The following RAB30 variants were observed in gnomAD, a reference collection of about 807,000 sequenced individuals.
RAB30 encodes the protein RAB30, member RAS oncogene family.
Under a neutral mutation model 25.1 loss-of-function variants are expected in RAB30, and 9 were observed. The ratio of observed to expected loss-of-function variants is 0.36; its 90% CI spans 0.22 to 0.63. The LOEUF is 0.63. Among genes scored for constraint, RAB30 ranks in the 20% least tolerant of loss-of-function variants. The pLI is 0.69. For missense variants in RAB30, 140 were observed against 243.5 expected (o/e 0.58, Z 2.83); for synonymous variants, 77 against 86.4 (o/e 0.89, Z 0.60).
At chr11:83,008,789 G>T (rs1857241422) in intron 1 of RAB30, among the ~76,000 whole-genome samples, 1 of 152,044 alleles carries the variant, frequency 6.6e-6, no homozygotes, top group Non-Finnish European at 1.5e-5. Context: ...CATGGCTCAG[G>T]GACTAGTCAG....
intron 1 of RAB30, among the ~76,000 whole-genome samples, chr11:83,008,679 C>T (rs780486322): frequency 4.6e-5 from 7 of 152,096 alleles, no homozygotes; most frequent in Non-Finnish European, 4.4e-5. Context: ...GGGATGGACG[C>T]ACACACATGC....
chr11:83,026,470 C>G (rs945067329), intron 1 of RAB30, among the ~76,000 whole-genome samples: 5 of 151,744 alleles, frequency 3.3e-5, no homozygotes, highest in African/African-American at 4.9e-5. Flanking sequence ...GCACCTCTGT[C>G]CTCACTCTCT....
intron 1 of RAB30, among the ~76,000 whole-genome samples, chr11:83,028,230 C>CT (rs1350483276): frequency 1.3e-5 from 2 of 152,060 alleles, no homozygotes; most frequent in African/African-American, 4.8e-5. Flanking sequence ...TAATAGCAGA[C>CT]TTTTTTTAAA....
chr11:83,008,636 T>C (rs767660626), intron 1 of RAB30, among the ~76,000 whole-genome samples: 3 of 152,170 alleles, frequency 2.0e-5, no homozygotes, highest in Non-Finnish European at 2.9e-5. Flanking sequence ...CAAATTCTTA[T>C]GCAGAAGATA....
intron 1 of RAB30, among the ~76,000 whole-genome samples, chr11:83,036,840 T>C (rs1349274660): frequency 6.6e-6 from 1 of 152,096 alleles, no homozygotes; most frequent in African/African-American, 2.4e-5. Flanking sequence ...AGAAAAGGCT[T>C]GGCGTGTCCA....
intron 1 of RAB30, among the ~76,000 whole-genome samples, chr11:83,011,717 C>G (rs565294354): frequency 6.6e-6 from 1 of 152,336 alleles, no homozygotes; most frequent in Non-Finnish European, 1.5e-5. Flanking sequence ...CTTTACATTT[C>G]TCATACCCTT....
intron 1 of RAB30, among the ~76,000 whole-genome samples, chr11:82,998,138 A>G (rs1231402482): frequency 6.6e-6 from 1 of 152,148 alleles, no homozygotes; most frequent in Non-Finnish European, 1.5e-5. Flanking sequence ...GTTTGTTCAA[A>G]TATCTGCCTC....
intron 1 of RAB30, among the ~76,000 whole-genome samples, chr11:83,009,525 C>A (rs1336776012): frequency 1.3e-5 from 2 of 151,850 alleles, no homozygotes; most frequent in African/African-American, 4.8e-5. Context: ...ACAGATGGAA[C>A]CTGAGGGAAA....
At chr11:83,019,025 T>TTTTTG (rs1159857660) in intron 1 of RAB30, among the ~76,000 whole-genome samples, 2 of 152,224 alleles carry the variant, frequency 1.3e-5, no homozygotes, top group Non-Finnish European at 2.9e-5. Flanking sequence ...TTTTTTGTGC[T>TTTTTG]TTTTGTTTTG....
At chr11:82,984,399 T>C (rs138011141) in intron 4 of RAB30, among the ~76,000 whole-genome samples, 4 of 152,308 alleles carry the variant, frequency 2.6e-5, no homozygotes, top group Admixed American at 6.5e-5. Context: ...TCCCTCATAC[T>C]AGAATCGTCT....
intron 1 of RAB30, among the ~76,000 whole-genome samples, chr11:83,055,496 T>A (rs1858439257): frequency 6.6e-6 from 1 of 152,026 alleles, no homozygotes; most frequent in African/African-American, 2.4e-5. Flanking sequence ...TTTATCCATC[T>A]TCTGCTGCGC....
chr11:83,052,557 G>C (rs1440186562), intron 1 of RAB30, among the ~76,000 whole-genome samples: 2 of 152,242 alleles, frequency 1.3e-5, no homozygotes, highest in African/African-American at 2.4e-5. Flanking sequence ...GGGCCTGAGA[G>C]AGATGTCTGG....
intron 1 of RAB30, among the ~76,000 whole-genome samples, chr11:83,031,032 G>GTGTGCA (rs1445646208): frequency 2.6e-5 from 4 of 152,228 alleles, no homozygotes; most frequent in African/African-American, 9.7e-5. Context: ...GACACTGGGA[G>GTGTGCA]TGTGCATATA....
At chr11:83,007,782 C>T (rs999129256) in intron 1 of RAB30, among the ~76,000 whole-genome samples, 3 of 152,350 alleles carry the variant, frequency 2.0e-5, no homozygotes, top group South Asian at 2.1e-4. Context: ...CCTGGAAATA[C>T]TCCTGCTTTG....
chr11:83,051,600 T>C (rs1305192302), intron 1 of RAB30, among the ~76,000 whole-genome samples: 1 of 152,046 alleles, frequency 6.6e-6, no homozygotes, highest in Non-Finnish European at 1.5e-5. Context: ...AGGGTAATAA[T>C]TCCAACAAAC....
intron 3 of RAB30, among the ~76,000 whole-genome samples, chr11:82,993,082 G>C (rs979536194): frequency 1.3e-5 from 2 of 152,250 alleles, no homozygotes; most frequent in South Asian, 4.1e-4. Flanking sequence ...CTGACGGCAG[G>C]TAGAGCACAG....
intron 1 of RAB30, among the ~76,000 whole-genome samples, chr11:83,007,618 A>C (rs770898874): frequency 1.3e-5 from 2 of 152,150 alleles, no homozygotes; most frequent in Non-Finnish European, 2.9e-5. Context: ...GAGCATCCCT[A>C]CACTAAGCAC....
chr11:83,028,896 G>C (rs1054891064), intron 1 of RAB30, among the ~76,000 whole-genome samples: 1 of 152,142 alleles, frequency 6.6e-6, no homozygotes, highest in Non-Finnish European at 1.5e-5. Flanking sequence ...AGTTAGCCAG[G>C]CATGGTGGCA....
intron 1 of RAB30, among the ~76,000 whole-genome samples, chr11:83,065,720 T>C (rs1858679813): frequency 6.6e-6 from 1 of 152,132 alleles, no homozygotes; most frequent in Non-Finnish European, 1.5e-5. Flanking sequence ...ATAAAATGTT[T>C]AAAAGGATAA....
Sources: gnomAD v4.1 joint callset for allele counts (sites outside exome capture counted in the v4.1 genomes callset) on GRCh38, gnomAD v4.1.1 for gene constraint, MANE v1.5 for transcripts, NCBI Gene and HGNC (gene_info 2026-07-23, HGNC 2026-07-21) for gene names.